TSHZ2: variants seen among roughly 807,000 people sequenced by gnomAD.
The protein encoded by TSHZ2 is teashirt zinc finger homeobox 2.
TSHZ2 carries 21 observed loss-of-function variants against 74.4 expected under a neutral mutation model. The observed-to-expected ratio is 0.28, with a 90% confidence interval of 0.20 to 0.41. The LOEUF (loss-of-function observed/expected upper bound fraction) is 0.41. Among genes scored for constraint, TSHZ2 ranks in the 10% least tolerant of loss-of-function variants. The pLI is 1.00. For synonymous variants in TSHZ2, 540 were observed against 515.3 expected (o/e 1.05, Z -0.65); for missense variants, 1,244 against 1,293.5 (o/e 0.96, Z 0.59).
intron 1 of TSHZ2, among the ~76,000 whole-genome samples, chr20:53,133,020 T>A (rs1244285203): frequency 6.6e-6 from 1 of 152,210 alleles, no homozygotes; most frequent in Non-Finnish European, 1.5e-5. Flanking sequence ...AGCATTTGAT[T>A]AAGTTACAAA....
intron 2 of TSHZ2, among the ~76,000 whole-genome samples, chr20:53,455,898 T>A (rs1985053265): frequency 6.6e-6 from 1 of 151,982 alleles, no homozygotes; most frequent in Non-Finnish European, 1.5e-5. Flanking sequence ...ACTCATCATT[T>A]TTTACGGCTG....
chr20:53,420,299 A>T (rs987971623), intron 2 of TSHZ2, among the ~76,000 whole-genome samples: 10 of 152,202 alleles, frequency 6.6e-5, no homozygotes, highest in African/African-American at 2.4e-4. Flanking sequence ...TCAGCCGGGC[A>T]TGCAGATATC....
chr20:53,185,369 T>C (rs1240965255), intron 1 of TSHZ2: 15 of 1,187,670 alleles, frequency 1.3e-5, no homozygotes, highest in Admixed American at 7.5e-5. Flanking sequence ...AAATTGGTGA[T>C]AGCCTCTGAC....
At chr20:53,428,358 C>T (rs371509574) in intron 2 of TSHZ2, among the ~76,000 whole-genome samples, 4 of 152,294 alleles carry the variant, frequency 2.6e-5, no homozygotes, top group Admixed American at 6.5e-5. Context: ...ATTATTATAG[C>T]TCTCTGTAGA....
At chr20:53,423,743 T>A (rs1600628416) in intron 2 of TSHZ2, among the ~76,000 whole-genome samples, 1 of 152,216 alleles carries the variant, frequency 6.6e-6, no homozygotes, top group Non-Finnish European at 1.5e-5. Flanking sequence ...CCCCTCTGTT[T>A]GACTGGCGAG....
At chr20:53,189,694 T>C (rs1988682003) in intron 1 of TSHZ2, among the ~76,000 whole-genome samples, 1 of 152,152 alleles carries the variant, frequency 6.6e-6, no homozygotes, top group Non-Finnish European at 1.5e-5. Context: ...ATCCCTGGTA[T>C]GCAATGTAAA....
chr20:53,138,695 C>T (rs2123407431), intron 1 of TSHZ2, among the ~76,000 whole-genome samples: 1 of 152,188 alleles, frequency 6.6e-6, no homozygotes, highest in East Asian at 1.9e-4. Flanking sequence ...ACTTTGAGAA[C>T]CCTTCTCTAA....
chr20:53,159,547 T>C (rs899094722), intron 1 of TSHZ2, among the ~76,000 whole-genome samples: 6 of 152,244 alleles, frequency 3.9e-5, no homozygotes, highest in African/African-American at 9.6e-5. Flanking sequence ...GAATAAGTTA[T>C]AGTTCATGGA....
intron 1 of TSHZ2, among the ~76,000 whole-genome samples, chr20:53,090,203 C>T (rs752184332): frequency 6.6e-6 from 1 of 152,178 alleles, no homozygotes; most frequent in Non-Finnish European, 1.5e-5. Flanking sequence ...TCTTCTCCTG[C>T]CTGCTTTATT....
intron 2 of TSHZ2, among the ~76,000 whole-genome samples, chr20:53,410,587 C>CATTATG (rs1555860290): frequency 2.8e-5 from 4 of 141,846 alleles, no homozygotes; most frequent in Admixed American, 1.4e-4. Flanking sequence ...ATTATCGTCA[C>CATTATG]ATTATTATTA....
chr20:53,241,783 T>A (rs1990076466), intron 1 of TSHZ2, among the ~76,000 whole-genome samples: 1 of 150,938 alleles, frequency 6.6e-6, no homozygotes, highest in Non-Finnish European at 1.5e-5. Context: ...AATTGATAGA[T>A]GGAGAGACCG....
chr20:53,202,579 A>C (rs1459380250), intron 1 of TSHZ2, among the ~76,000 whole-genome samples: 1 of 152,164 alleles, frequency 6.6e-6, no homozygotes, highest in Non-Finnish European at 1.5e-5. Flanking sequence ...TAAGAAATAG[A>C]AGCTATTATT....
chr20:53,136,930 C>T (rs1462399596), intron 1 of TSHZ2, among the ~76,000 whole-genome samples: 3 of 151,858 alleles, frequency 2.0e-5, no homozygotes, highest in Non-Finnish European at 4.4e-5. Flanking sequence ...GAAGATATTC[C>T]GATCTTACAT....
intron 1 of TSHZ2, among the ~76,000 whole-genome samples, chr20:53,141,340 CA>C (rs1987397164): frequency 6.6e-6 from 1 of 152,206 alleles, no homozygotes. Flanking sequence ...ATCACTTCCT[CA>C]TTAGTTCTTA....
Position 53,253,752 on chromosome 20 carries a change from C to T in TSHZ2, c.294C>T (p.Val98=). 1 of 1,614,210 alleles carries T rather than the reference C, an allele frequency of 6.2e-7. No individual in the cohort carries two copies. Residue 98 remains valine (V), a synonymous_variant, in exon 2 of 3, where the codon GTC becomes GTT. Transcript: ENST00000371497. ...ATCAGGTGTCGGACATCAAGAGTGT[C>T]TGCGGCAGAGATGCCTCAGACAAGA... is the stretch of plus-strand genomic sequence containing the variant. The part of the protein sequence containing the change: ...ASDQVSDIKS[V]CGRDASDKKA...
At chr20:53,341,281 A>T (rs984065767) in intron 2 of TSHZ2, among the ~76,000 whole-genome samples, 1 of 152,154 alleles carries the variant, frequency 6.6e-6, no homozygotes, top group African/African-American at 2.4e-5. Flanking sequence ...CCACCAGGGA[A>T]CGAATACAAC....
chr20:53,313,470 T>C (rs1458975701), intron 2 of TSHZ2, among the ~76,000 whole-genome samples: 2 of 152,224 alleles, frequency 1.3e-5, no homozygotes, highest in Admixed American at 6.5e-5. Flanking sequence ...CCCTACAGCA[T>C]AAAAGGAGTT....
chr20:53,163,041 T>C (rs1057279403), intron 1 of TSHZ2, among the ~76,000 whole-genome samples: 3 of 152,260 alleles, frequency 2.0e-5, no homozygotes, highest in East Asian at 3.8e-4. Context: ...AGTCCTACTA[T>C]ACAGAGGAAG....
At chr20:53,402,019 G>A (rs138695354) in intron 2 of TSHZ2, among the ~76,000 whole-genome samples, 141 of 152,136 alleles carry the variant, frequency 9.3e-4, no homozygotes, top group East Asian at 7.3e-3. Flanking sequence ...TCCTGACCTC[G>A]TGATCTGCCC....
Sources: gnomAD v4.1 joint callset for allele counts (sites outside exome capture counted in the v4.1 genomes callset) on GRCh38, gnomAD v4.1.1 for gene constraint, MANE v1.5 for transcripts, NCBI Gene and HGNC (gene_info 2026-07-23, HGNC 2026-07-21) for gene names.